The following PCSK5 variants were observed in gnomAD, a reference collection of about 807,000 sequenced individuals.
PCSK5 encodes prohormone convertase 5.
Under a neutral mutation model 233.2 loss-of-function variants are expected in PCSK5, and 129 were observed. The observed-to-expected ratio is 0.55, with a 90% confidence interval of 0.48 to 0.64. The LOEUF is 0.64. PCSK5 is among the 30% of genes least tolerant of loss of function. The pLI, the probability that PCSK5 is intolerant of heterozygous loss-of-function variation, is 0.00. For missense variants in PCSK5, 2,076 were observed against 2,430.1 expected, an observed-to-expected ratio of 0.85 and a Z score of 3.06; for synonymous variants, 825 against 879.2, an observed-to-expected ratio of 0.94 and a Z score of 1.09.
intron 3 of PCSK5, among the ~76,000 whole-genome samples, chr9:75,997,669 C>G (rs930396315): frequency 6.6e-6 from 1 of 152,138 alleles, no homozygotes; most frequent in Non-Finnish European, 1.5e-5. Context: ...AAATTGGGTT[C>G]AGAATGCAGA....
At chr9:76,074,447 T>C (rs923058211) in intron 7 of PCSK5, among the ~76,000 whole-genome samples, 4 of 152,208 alleles carry the variant, frequency 2.6e-5, no homozygotes, top group Non-Finnish European at 5.9e-5. Flanking sequence ...ACAGATTGTT[T>C]TTTGGCTCAT....
At chr9:76,039,540 G>A (rs1387632427) in intron 5 of PCSK5, among the ~76,000 whole-genome samples, 1 of 152,134 alleles carries the variant, frequency 6.6e-6, no homozygotes, top group Non-Finnish European at 1.5e-5. Context: ...GTAACTGCTA[G>A]GTAAATTGTT....
At chr9:76,204,503 C>G (rs924192941) in intron 20 of PCSK5, among the ~76,000 whole-genome samples, 1 of 151,716 alleles carries the variant, frequency 6.6e-6, no homozygotes, top group Non-Finnish European at 1.5e-5. Flanking sequence ...ACTCTCTCCC[C>G]CCTTCTCTGG....
At chr9:76,102,169 A>G (rs1489711695) in intron 8 of PCSK5, among the ~76,000 whole-genome samples, 1 of 151,836 alleles carries the variant, frequency 6.6e-6, no homozygotes, top group African/African-American at 2.4e-5. Context: ...GAATGACTAC[A>G]CTTTGTAACT....
At chr9:75,950,839 A>G (rs1563932843) in intron 2 of PCSK5, among the ~76,000 whole-genome samples, 1 of 152,226 alleles carries the variant, frequency 6.6e-6, no homozygotes, top group African/African-American at 2.4e-5. Context: ...ACACATAACA[A>G]TATTAACTTT....
intron 5 of PCSK5, among the ~76,000 whole-genome samples, chr9:76,046,554 T>A (rs1182457876): frequency 7.3e-6 from 1 of 137,878 alleles, no homozygotes; most frequent in African/African-American, 2.8e-5. Context: ...TTTTTCTTTC[T>A]TTTTCTTTTT....
chr9:75,904,710 G>T (rs140068958), intron 1 of PCSK5, among the ~76,000 whole-genome samples: 42 of 152,338 alleles, frequency 2.8e-4, no homozygotes, highest in African/African-American at 9.9e-4. Context: ...GGAATGTAAA[G>T]CTGTGAGACC....
At chr9:76,188,746 C>A in intron 18 of PCSK5, 71 bp downstream of exon 18, 1 of 1,038,262 alleles carries the variant, frequency 9.6e-7, no homozygotes, top group South Asian at 1.3e-5. Flanking sequence ...TGGGCCATCA[C>A]TCATGCAACC....
At chr9:76,005,559 C>T (rs933002969) in intron 3 of PCSK5, among the ~76,000 whole-genome samples, 4 of 151,918 alleles carry the variant, frequency 2.6e-5, no homozygotes, top group Non-Finnish European at 2.9e-5. Flanking sequence ...GTAGAGTTAC[C>T]GTAATTTATT....
At chr9:76,303,729 G>A (rs1031325019) in intron 28 of PCSK5, among the ~76,000 whole-genome samples, 2 of 152,140 alleles carry the variant, frequency 1.3e-5, no homozygotes, top group Admixed American at 6.5e-5. Context: ...AAAAGCCCTC[G>A]GGGACAGAAT....
intron 20 of PCSK5, among the ~76,000 whole-genome samples, chr9:76,198,060 T>C (rs965751888): frequency 1.4e-4 from 22 of 152,218 alleles, no homozygotes; most frequent in African/African-American, 4.1e-4. Flanking sequence ...GATTCAGTTA[T>C]TGAGCAATAA....
At chr9:76,054,173 A>G (rs1041423499) in intron 5 of PCSK5, among the ~76,000 whole-genome samples, 2 of 152,112 alleles carry the variant, frequency 1.3e-5, no homozygotes, top group African/African-American at 4.8e-5. Flanking sequence ...TTACCTCCCA[A>G]CTGGTCCCTC....
At position 76,114,327 on chromosome 9, in the gene PCSK5, G is replaced by A. The variant is rs147863777; in HGVS notation, c.1208+6976G>A. Among the ~76,000 whole-genome samples, 436 of 152,178 alleles carry A rather than the reference G, an allele frequency of 2.9e-3. 2 individuals are homozygous for A. Among genetic ancestry groups the A allele is most frequent in the African/African-American group, 9.8e-3 (407 of 41,528 alleles). On this transcript the variant is annotated intron_variant, in intron 9 of 37. Transcript: ENST00000674117. ...CCAGACCCAAAGAGCAGTTACCACG[G>A]GCCTTCTGCCAGGACTGTGCATGAA...
At chr9:76,242,320 C>T (rs1427075486) in intron 24 of PCSK5, among the ~76,000 whole-genome samples, 1 of 152,042 alleles carries the variant, frequency 6.6e-6, no homozygotes, top group Admixed American at 6.5e-5. Flanking sequence ...CACCACCACT[C>T]TTTGCCTTAA....
At chr9:76,222,268 G>GT (rs1825751375) in intron 20 of PCSK5, among the ~76,000 whole-genome samples, 1 of 152,086 alleles carries the variant, frequency 6.6e-6, no homozygotes, top group South Asian at 2.1e-4. Flanking sequence ...TACTGATTTT[G>GT]TTTTTTGGCT....
At chr9:75,913,960 CT>C (rs1457088913) in intron 1 of PCSK5, among the ~76,000 whole-genome samples, 1 of 152,090 alleles carries the variant, frequency 6.6e-6, no homozygotes, top group Non-Finnish European at 1.5e-5. Flanking sequence ...GAAGATAATG[CT>C]TTTTTCTCCT....
chr9:76,188,637 A>G lies in PCSK5; in HGVS notation c.2342A>G (p.Asp781Gly). The G allele has an allele frequency of 6.2e-7, 1 of 1,613,788 alleles. No homozygotes were observed. Reference protein sequence around the residue: ...CEDGRYFNGQDCQPCHRFCAT... With the variant: ...CEDGRYFNGQGCQPCHRFCAT... The stretch of plus-strand genomic sequence containing the variant: ...GATGGACGGTATTTCAACGGCCAGG[A>G]CTGCCAGCCCTGCCACCGCTTCTGC... Residue 781 changes from aspartate (D) to glycine (G), a missense_variant, in exon 18 of 38, where the codon GAC becomes GGC. Physicochemically the swap from Asp to Gly is moderately conservative, Grantham distance 94. Around this residue, in one of 6 missense-constraint regions of PCSK5, gnomAD observed 1,510 missense variants for 1,538.1 expected, o/e 0.98. Coordinates refer to ENST00000674117, the MANE Select transcript of PCSK5 (RefSeq NM_001372043.1).
intron 5 of PCSK5, among the ~76,000 whole-genome samples, chr9:76,038,142 C>T (rs1022771987): frequency 1.8e-4 from 27 of 152,132 alleles, no homozygotes; most frequent in Admixed American, 1.6e-3. Flanking sequence ...GAGGTTCATT[C>T]TCAAAGGATC....
chr9:76,178,935 T>C (rs1409393603), intron 14 of PCSK5, among the ~76,000 whole-genome samples: 1 of 152,342 alleles, frequency 6.6e-6, no homozygotes, highest in African/African-American at 2.4e-5. Flanking sequence ...GTAAGAGAGA[T>C]TGGGAACTTT....
Sources: gnomAD v4.1 joint callset for allele counts (sites outside exome capture counted in the v4.1 genomes callset) on GRCh38, gnomAD v4.1.1 for gene constraint, gnomAD v4.1.1 regional missense constraint, MANE v1.5 for transcripts, NCBI Gene and HGNC (gene_info 2026-07-23, HGNC 2026-07-21) for gene names.